Variants in GABBR2 observed in about 807,000 individuals in gnomAD.
The protein encoded by GABBR2 is G-protein coupled receptor 51.
A neutral mutation model predicts 105.6 loss-of-function variants in GABBR2; 23 were observed. The observed-to-expected ratio is 0.22, with a 90% CI of 0.16 to 0.31. GABBR2 has a LOEUF of 0.31. GABBR2 is among the 10% of genes least tolerant of loss of function. GABBR2 has a pLI of 1.00. For missense variants in GABBR2, 734 were observed against 1,245.5 expected (o/e 0.59, Z 6.18); for synonymous variants, 478 against 499.7 (o/e 0.96, Z 0.58).
intron 9 of GABBR2, 78 bp from the exon 10 acceptor site, chr9:98,389,082 A>G: frequency 7.8e-7 from 1 of 1,280,284 alleles, no homozygotes; most frequent in Non-Finnish European, 1.1e-6. Context: ...AGTGTCCCTG[A>G]CATCCAGCCA....
intron 1 of GABBR2, among the ~76,000 whole-genome samples, chr9:98,678,049 C>T (rs775148528): frequency 1.3e-4 from 20 of 152,142 alleles, no homozygotes; most frequent in Non-Finnish European, 2.4e-4. Flanking sequence ...GCTCTCTGGA[C>T]GGAACTCTCG....
chr9:98,580,556 G>A (rs976662039), intron 1 of GABBR2, among the ~76,000 whole-genome samples: 8 of 152,200 alleles, frequency 5.3e-5, no homozygotes, highest in East Asian at 1.9e-4. Flanking sequence ...GGGAGGCTGA[G>A]GCAGGCAGAT....
intron 11 of GABBR2, among the ~76,000 whole-genome samples, chr9:98,377,718 G>A (rs868199413): frequency 3.3e-5 from 5 of 152,226 alleles, no homozygotes; most frequent in Admixed American, 6.5e-5. Flanking sequence ...CTGCTTATTG[G>A]CTCAGGAGTC....
At chr9:98,590,813 C>T (rs900960290) in intron 1 of GABBR2, among the ~76,000 whole-genome samples, 32 of 152,198 alleles carry the variant, frequency 2.1e-4, no homozygotes, top group African/African-American at 7.0e-4. Context: ...AGACTGGGTC[C>T]TTGCTCTCAT....
At chr9:98,651,107 A>C (rs1053917865) in intron 1 of GABBR2, among the ~76,000 whole-genome samples, 2 of 151,172 alleles carry the variant, frequency 1.3e-5, no homozygotes, top group African/African-American at 4.9e-5. Flanking sequence ...AAGATTATAC[A>C]CACACACCCA....
chr9:98,646,773 A>G (rs1169218205), intron 1 of GABBR2, among the ~76,000 whole-genome samples: 1 of 152,182 alleles, frequency 6.6e-6, no homozygotes, highest in Admixed American at 6.5e-5. Context: ...CTGGGCTGGC[A>G]CAAAGTCCCA....
chr9:98,327,152 A>G (rs1363898492), intron 13 of GABBR2, among the ~76,000 whole-genome samples: 3 of 152,252 alleles, frequency 2.0e-5, no homozygotes, highest in Non-Finnish European at 4.4e-5. Context: ...TTATAGCAGC[A>G]CTGATTTTCC....
In GABBR2 at chr9:98,563,068, CAAAAAAAAA is replaced by C. The variant is rs56185925; in HGVS notation, c.459+14858_459+14866del. Among the ~76,000 whole-genome samples the C allele has an allele frequency of 2.1e-3, 131 of 63,012 alleles. 1 individual carries two copies. The East Asian group carries it at 0.058, about 28-fold the overall frequency. The allele number at this position is 63,012 out of a possible 152,430, so 41.3% of individuals were successfully genotyped here. A position where few individuals can be genotyped will look rare whatever the true frequency, so the allele number is the denominator to read the frequency against. On this transcript the variant is annotated intron_variant, in intron 2 of 18. Coordinates refer to ENST00000259455, the MANE Select transcript of GABBR2 (RefSeq NM_005458.8). ...CTGGGTGACAGAGCGAGACCCTGTC[CAAAAAAAAA>C]AAAAAAAAAAAAAAAAAAGAGCAGC...
intron 1 of GABBR2, among the ~76,000 whole-genome samples, chr9:98,654,911 CA>C (rs1237720055): frequency 6.6e-6 from 1 of 152,056 alleles, no homozygotes; most frequent in Non-Finnish European, 1.5e-5. Flanking sequence ...GAATATTATT[CA>C]TTGTTAAAAA....
chr9:98,650,139 A>G (rs1043514811), intron 1 of GABBR2, among the ~76,000 whole-genome samples: 1 of 152,074 alleles, frequency 6.6e-6, no homozygotes, highest in Non-Finnish European at 1.5e-5. Flanking sequence ...TTTTTAAAAA[A>G]TTTTTCATGT....
intron 2 of GABBR2, among the ~76,000 whole-genome samples, chr9:98,557,070 A>C (rs949614176): frequency 2.6e-5 from 4 of 152,054 alleles, no homozygotes; most frequent in African/African-American, 9.7e-5. Context: ...ACACACTGAG[A>C]ACTTGGAATA....
intron 7 of GABBR2, among the ~76,000 whole-genome samples, chr9:98,442,750 G>T (rs1336307562): frequency 2.0e-5 from 3 of 152,188 alleles, no homozygotes; most frequent in African/African-American, 7.2e-5. Flanking sequence ...CCTTCTGAGG[G>T]CTGTGAAGGA....
Position 98,293,875 on chromosome 9 carries a change from T to C in GABBR2, c.2570A>G (p.His857Arg), listed in dbSNP as rs770640376. 8 of 1,611,358 alleles carry C rather than the reference T, an allele frequency of 5.0e-6. No individual in the cohort carries two copies. The highest frequency in any genetic ancestry group is 5.9e-6 in the Non-Finnish European group (7 of 1,177,494). ...CTGTAGCTGGGGATTTTGATCGAGGTGATTTTTTAAAATGGCCTTTCCTCC... is the reference window on the plus strand; with the variant it reads ...CTGTAGCTGGGGATTTTGATCGAGGCGATTTTTTAAAATGGCCTTTCCTCC... ...TDGGKAILKN[H>R]LDQNPQLQWN... Residue 857 changes from histidine (H) to arginine (R), a missense_variant, in exon 18 of 19, where the codon CAC becomes CGC. By Grantham distance (29) the His-to-Arg change is conservative (BLOSUM62 0). This residue lies in a region of GABBR2 where 134 missense variants were observed against 171.2 expected (regional missense o/e 0.78). Coordinates refer to ENST00000259455, the MANE Select transcript of GABBR2 (RefSeq NM_005458.8).
chr9:98,341,718 G>A (rs1291571036), intron 13 of GABBR2, among the ~76,000 whole-genome samples: 3 of 152,196 alleles, frequency 2.0e-5, no homozygotes, highest in Non-Finnish European at 4.4e-5. Flanking sequence ...CTAACCTGTG[G>A]ATCTTTATCT....
chr9:98,420,396 C>A (rs917339171), intron 7 of GABBR2, among the ~76,000 whole-genome samples: 8 of 152,186 alleles, frequency 5.3e-5, no homozygotes, highest in African/African-American at 1.9e-4. Flanking sequence ...TGCTGCCAGG[C>A]TGGTAGGAGG....
chr9:98,627,441 C>T (rs1281765657), intron 1 of GABBR2, among the ~76,000 whole-genome samples: 5 of 152,218 alleles, frequency 3.3e-5, no homozygotes, highest in Admixed American at 3.3e-4. Flanking sequence ...TATTCCCCAG[C>T]CTCTTGTTCA....
intron 1 of GABBR2, among the ~76,000 whole-genome samples, chr9:98,648,116 T>TGTGTATAGATAGATAGATAGATAGATAG: frequency 6.8e-4 from 38 of 55,956 alleles, no homozygotes; most frequent in East Asian, 9.4e-4. Context: ...TGTGTGTGTG[T>TGTGTATAGATAGATAGATAGATAGATAG]ATAGATAGAT....
At chr9:98,427,495 A>G (rs1435795326) in intron 7 of GABBR2, among the ~76,000 whole-genome samples, 1 of 152,198 alleles carries the variant, frequency 6.6e-6, no homozygotes, top group Non-Finnish European at 1.5e-5. Context: ...TTGAGAGACT[A>G]TGTCAGCCAG....
chr9:98,542,624 C>T (rs1828327092), intron 2 of GABBR2, among the ~76,000 whole-genome samples: 1 of 151,994 alleles, frequency 6.6e-6, no homozygotes, highest in Admixed American at 6.6e-5. Context: ...GTAAAATTTT[C>T]CAGATAAAGA....
Sources: allele counts gnomAD v4.1 joint callset (sites outside exome capture counted in the v4.1 genomes callset), GRCh38; gene constraint gnomAD v4.1.1; regional missense constraint gnomAD v4.1.1; transcripts MANE v1.5; gene names NCBI Gene and HGNC (gene_info 2026-07-23, HGNC 2026-07-21).